ZNF407: variants seen among roughly 807,000 people sequenced by gnomAD.
The protein encoded by ZNF407 is zinc finger protein 407.
Under a neutral mutation model 131.2 loss-of-function variants are expected in ZNF407, and 17 were observed. That is an observed-to-expected ratio of 0.13 (90% CI 0.09 to 0.19). ZNF407 has a LOEUF of 0.19. Among genes scored for constraint, ZNF407 ranks in the 10% least tolerant of loss-of-function variants. The pLI is 1.00. For missense variants in ZNF407, 2,681 were observed against 2,830.6 expected (o/e 0.95, Z 1.20); for synonymous variants, 1,156 against 1,062.0 (o/e 1.09, Z -1.72).
intron 6 of ZNF407, among the ~76,000 whole-genome samples, chr18:74,887,750 C>A (rs1219667970): frequency 6.6e-6 from 1 of 152,094 alleles, no homozygotes; most frequent in Non-Finnish European, 1.5e-5. Context: ...TTTTAGTTGT[C>A]TTTAATCCTC....
intron 4 of ZNF407, among the ~76,000 whole-genome samples, chr18:74,832,167 A>T (rs1037305441): frequency 3.9e-5 from 6 of 152,206 alleles, no homozygotes; most frequent in African/African-American, 1.4e-4. Flanking sequence ...TGTCTCACAG[A>T]CGAAGATGTT....
chr18:75,055,346 C>T (rs760488767), intron 8 of ZNF407, among the ~76,000 whole-genome samples: 11 of 152,150 alleles, frequency 7.2e-5, no homozygotes, highest in Non-Finnish European at 1.2e-4. Context: ...TTGTGCACCA[C>T]GATCTCTCTG....
At chr18:74,661,268 A>C (rs1985702028) in intron 3 of ZNF407, among the ~76,000 whole-genome samples, 1 of 151,934 alleles carries the variant, frequency 6.6e-6, no homozygotes, top group Non-Finnish European at 1.5e-5. Context: ...TTTATGTTGT[A>C]CACACAGTAA....
chr18:74,954,785 C>G (rs1207634946), intron 8 of ZNF407, among the ~76,000 whole-genome samples: 2 of 152,124 alleles, frequency 1.3e-5, no homozygotes, highest in African/African-American at 4.8e-5. Flanking sequence ...CCCATTCCAG[C>G]CACCAGTGAA....
At chr18:74,833,784 G>A (rs1174616652) in intron 4 of ZNF407, among the ~76,000 whole-genome samples, 1 of 152,180 alleles carries the variant, frequency 6.6e-6, no homozygotes. Flanking sequence ...AGACAGAGCC[G>A]TGGTGATGAC....
At chr18:74,710,018 G>C (rs1040886946) in intron 3 of ZNF407, among the ~76,000 whole-genome samples, 1 of 152,152 alleles carries the variant, frequency 6.6e-6, no homozygotes, top group Non-Finnish European at 1.5e-5. Flanking sequence ...AAAAATGTCT[G>C]TTTGTGACTT....
In ZNF407 at chr18:74,660,205, C is replaced by G. The variant is rs1331377053; in HGVS notation, c.4802+19083C>G. Among the ~76,000 whole-genome samples the G allele has an allele frequency of 3.9e-5, 6 of 152,162 alleles. No homozygotes were observed. In the South Asian group the frequency reaches 1.2e-3, roughly 32 times the overall value. The stretch of plus-strand genomic sequence containing the variant: ...AGTTTAAAGGAAATTTGTTGCTTAA[C>G]AACCTCTAAGGTAGCAGTTAGGGCT... On this transcript the variant is annotated intron_variant, in intron 3 of 8. Coordinates refer to ENST00000299687, the MANE Select transcript of ZNF407 (RefSeq NM_017757.3).
intron 8 of ZNF407, among the ~76,000 whole-genome samples, chr18:75,055,045 C>T (rs1315399394): frequency 1.3e-5 from 2 of 152,196 alleles, no homozygotes; most frequent in Non-Finnish European, 2.9e-5. Flanking sequence ...TTGGCCAGGG[C>T]TCTGACCTCA....
chr18:74,760,160 A>G (rs1969062831), intron 3 of ZNF407, among the ~76,000 whole-genome samples: 1 of 152,166 alleles, frequency 6.6e-6, no homozygotes, highest in African/African-American at 2.4e-5. Flanking sequence ...GTGGCGACTA[A>G]CGTCACTGCT....
chr18:74,761,231 T>C (rs897413745), intron 3 of ZNF407, among the ~76,000 whole-genome samples: 11 of 152,210 alleles, frequency 7.2e-5, no homozygotes, highest in African/African-American at 2.7e-4. Context: ...AATTTCAGGA[T>C]AGTAAAGGAG....
intron 3 of ZNF407, among the ~76,000 whole-genome samples, chr18:74,719,406 CTTAT>C (rs1243761567): frequency 4.0e-5 from 4 of 100,654 alleles, no homozygotes; most frequent in Non-Finnish European, 4.4e-5. Flanking sequence ...TACTTACTTA[CTTAT>C]TTATTTAGAG....
intron 4 of ZNF407, among the ~76,000 whole-genome samples, chr18:74,790,895 GAT>G (rs1466537663): frequency 6.6e-6 from 1 of 152,184 alleles, no homozygotes; most frequent in Non-Finnish European, 1.5e-5. Flanking sequence ...TGAGAAAGAA[GAT>G]ATTTTTATTT....
rs1984214874 is a variant in ZNF407 at position 74,633,060 on chromosome 18, G to A, written c.2041G>A (p.Ala681Thr). ...AKESMDDSGK[A>T]SQEEPLKSRV... The stretch of plus-strand genomic sequence containing the variant: ...AGAGTCTATGGATGACTCAGGAAAA[G>A]CATCTCAGGAAGAACCTCTGAAGTC... Residue 681 changes from alanine (A) to threonine (T), a missense_variant, in exon 2 of 9, where the codon GCA (alanine) becomes ACA (threonine). Ala to Thr is a moderately conservative substitution (Grantham distance 58, BLOSUM62 0). This residue lies in a region of ZNF407 where 1,789 missense variants were observed against 1,748.7 expected (regional missense o/e 1.02). Transcript: ENST00000299687. The A allele has an allele frequency of 1.2e-6, 2 of 1,613,898 alleles. No individual in the cohort carries two copies. Among genetic ancestry groups the A allele is most frequent in the African/African-American group, 1.3e-5 (1 of 75,022 alleles).
At chr18:74,884,859 C>T (rs1971286172) in intron 6 of ZNF407, among the ~76,000 whole-genome samples, 1 of 151,938 alleles carries the variant, frequency 6.6e-6, no homozygotes, top group Non-Finnish European at 1.5e-5. Flanking sequence ...TAATTTATAC[C>T]ATTGACTTAG....
intron 4 of ZNF407, among the ~76,000 whole-genome samples, chr18:74,818,975 C>T (rs1384505108): frequency 1.4e-4 from 22 of 151,846 alleles, no homozygotes; most frequent in Admixed American, 1.0e-3. Context: ...TGCCCTTCTG[C>T]GCTGAGACAT....
chr18:74,914,602 C>G (rs565509853), intron 7 of ZNF407, among the ~76,000 whole-genome samples: 1 of 152,178 alleles, frequency 6.6e-6, no homozygotes, highest in Non-Finnish European at 1.5e-5. Context: ...TGGTAGTTTG[C>G]TGTACTAACC....
intron 3 of ZNF407, among the ~76,000 whole-genome samples, chr18:74,711,910 A>T (rs955157518): frequency 6.6e-6 from 1 of 152,058 alleles, no homozygotes; most frequent in African/African-American, 2.4e-5. Flanking sequence ...GGATTTCACC[A>T]TGTTGGCCAG....
intron 4 of ZNF407, among the ~76,000 whole-genome samples, chr18:74,844,048 T>C (rs138115654): frequency 1.6e-3 from 245 of 152,290 alleles, no homozygotes; most frequent in Middle Eastern, 0.014. Context: ...ACAATTAGGC[T>C]GTAAATACTC....
Position 74,621,524 on chromosome 18 carries a change from A to C in ZNF407, c.-53-9443A>C, listed in dbSNP as rs370749545. Among the ~76,000 whole-genome samples the C allele has an allele frequency of 3.3e-5, 5 of 151,516 alleles. No individual in the cohort carries two copies. In the East Asian group the frequency reaches 5.8e-4, roughly 18 times the overall value. The stretch of plus-strand genomic sequence containing the variant: ...TGTGGGCAGCAGCCCCCAGCTCCTC[A>C]CTGGCTCTGAGTCGGAGGCCTCATT... On this transcript the variant is annotated intron_variant, in intron 1 of 8. Transcript: ENST00000299687.
Sources: gnomAD v4.1 joint callset for allele counts (sites outside exome capture counted in the v4.1 genomes callset) on GRCh38, gnomAD v4.1.1 for gene constraint, gnomAD v4.1.1 regional missense constraint, MANE v1.5 for transcripts, NCBI Gene and HGNC (gene_info 2026-07-23, HGNC 2026-07-21) for gene names.